PPP2CA: variants seen among roughly 807,000 people sequenced by gnomAD.
The protein encoded by PPP2CA is protein phosphatase 2 catalytic subunit alpha, also known as serine/threonine-protein phosphatase 2A catalytic subunit alpha isoform.
PPP2CA carries 5 observed loss-of-function variants against 38.8 expected under a neutral mutation model. The observed-to-expected ratio is 0.13, with a 90% CI of 0.07 to 0.27. The LOEUF is 0.27. Among genes scored for constraint, PPP2CA ranks in the 10% least tolerant of loss-of-function variants. The probability of loss-of-function intolerance (pLI) is 1.00; values close to 1 mark genes in which losing one functional copy is unlikely to be tolerated. For synonymous variants in PPP2CA, 152 were observed against 134.0 expected (o/e 1.13, Z -0.93); for missense variants, 88 against 389.7 (o/e 0.23, Z 6.52).
intron 1 of PPP2CA, among the ~76,000 whole-genome samples, chr5:134,208,545 GCTC>G (rs10569671): frequency 0.77 from 117,318 of 151,804 alleles, 45,776 homozygotes; most frequent in Non-Finnish European, 0.82. Context: ...ATGTACAGAT[GCTC>G]CTCAATTTGT....
intron 1 of PPP2CA, among the ~76,000 whole-genome samples, chr5:134,216,789 C>T (rs1448567928): frequency 1.3e-5 from 2 of 152,104 alleles, no homozygotes; most frequent in East Asian, 3.9e-4. Flanking sequence ...TAGGTATGAG[C>T]CACCATGCCT....
At chr5:134,223,768 T>C (rs908303860) in intron 1 of PPP2CA, among the ~76,000 whole-genome samples, 7 of 152,200 alleles carry the variant, frequency 4.6e-5, no homozygotes, top group African/African-American at 1.7e-4. Context: ...TTTCATACCA[T>C]GCTTTTCTTT....
chr5:134,214,193 T>C (rs1762270333), intron 1 of PPP2CA, among the ~76,000 whole-genome samples: 1 of 152,248 alleles, frequency 6.6e-6, no homozygotes, highest in South Asian at 2.1e-4. Context: ...AGCTTTAAGA[T>C]ATATAACTAT....
At chr5:134,211,097 A>G (rs1010829928) in intron 1 of PPP2CA, among the ~76,000 whole-genome samples, 26 of 151,730 alleles carry the variant, frequency 1.7e-4, no homozygotes, top group Non-Finnish European at 2.1e-4. Context: ...ACTTTTTAAA[A>G]TCTTTTTTTT....
At position 134,196,923 on chromosome 5, in the gene PPP2CA, C is replaced by T. The variant is rs1358593742; in HGVS notation, c.*849G>A. The stretch of plus-strand genomic sequence containing the variant: ...GTAATATGTGAAATACAAATAAATC[C>T]TGAAGTTAATCTGAAGAATGTCAAG... On this transcript the variant is annotated 3_prime_UTR_variant, in exon 7 of 7. Transcript: ENST00000481195. 3 of 152,582 alleles carry T rather than the reference C, an allele frequency of 2.0e-5. No homozygotes were observed. The highest frequency in any genetic ancestry group is 4.4e-5 in the Non-Finnish European group (3 of 68,032). 9.5% of individuals were successfully genotyped at this position (152,582 alleles called of 1,614,324 possible).
chr5:134,218,852 G>T (rs1762379297), intron 1 of PPP2CA, among the ~76,000 whole-genome samples: 1 of 151,960 alleles, frequency 6.6e-6, no homozygotes, highest in South Asian at 2.1e-4. Flanking sequence ...TGTATTTTTA[G>T]TAGAGACGGG....
Position 134,225,793 on chromosome 5 carries a change from C to T in PPP2CA, c.69G>A (p.Leu23=), listed in dbSNP as rs1580656012. The change falls in exon 1 of 7, where the codon CTG becomes CTA. Residue 23 remains leucine, a synonymous_variant. Coordinates refer to ENST00000481195, the MANE Select transcript of PPP2CA (RefSeq NM_002715.4). Reference sequence around the variant, plus strand: ...AGAGGCTCTTGACCTGGGACTCGGACAGCTGCTTGCACTCGTTCAGCTGCT... The same window carrying T: ...AGAGGCTCTTGACCTGGGACTCGGATAGCTGCTTGCACTCGTTCAGCTGCT... The part of the protein sequence containing the change: ...WIEQLNECKQ[L]SESQVKSLCE... 1.2e-6 allele frequency: 2 copies of T among 1,610,786 alleles called. No individual in the cohort carries two copies. Among genetic ancestry groups the T allele is most frequent in the Non-Finnish European group, 1.7e-6 (2 of 1,179,180 alleles).
At chr5:134,224,192 T>C in intron 1 of PPP2CA, 1 of 435,758 alleles carries the variant, frequency 2.3e-6, no homozygotes, top group South Asian at 1.6e-5. Context: ...TACCTAGAAA[T>C]TAAGACCTGG....
chr5:134,210,870 AC>A lies in PPP2CA; in HGVS notation c.103-4740del, dbSNP rs1451914334. Among the ~76,000 whole-genome samples, 5 of 152,072 alleles carry A rather than the reference AC, an allele frequency of 3.3e-5. No homozygotes were observed. In the South Asian group the frequency reaches 1.0e-3, roughly 31 times the overall value. On this transcript the variant is annotated intron_variant, in intron 1 of 6. Coordinates refer to ENST00000481195, the MANE Select transcript of PPP2CA (RefSeq NM_002715.4). ...ACCACACTGGTTTTGATTTATCAGA[AC>A]CCTTCTGAAATTCAGTCAAATGGTA... is the stretch of plus-strand genomic sequence containing the variant.
Position 134,199,097 on chromosome 5 carries a change from T to C in PPP2CA, c.846A>G (p.Leu282=), listed in dbSNP as rs368267493. The C allele has an allele frequency of 6.2e-6, 10 of 1,607,442 alleles. No homozygotes were observed. In the African/African-American group the frequency reaches 8.0e-5, roughly 13 times the overall value. The change falls in exon 6 of 7, where the codon CTA becomes CTG. Residue 282 remains leucine, a synonymous_variant. Coordinates refer to ENST00000481195, the MANE Select transcript of PPP2CA (RefSeq NM_002715.4). ...GTAGAATTACTTACAAAGAGTATTT[T>C]AGAGTATCGTCAAGTTCCATGATTG... ...QAAIMELDDT[L]KYSFLQFDPA...
At chr5:134,204,907 T>A (rs1762045398) in intron 2 of PPP2CA, among the ~76,000 whole-genome samples, 1 of 151,232 alleles carries the variant, frequency 6.6e-6, no homozygotes, top group East Asian at 1.9e-4. Context: ...CTCAGAAAAA[T>A]TCTTTTTTTT....
rs776804051 is a variant in PPP2CA, at chr5:134,225,827, T to A, written c.35A>T (p.Gln12Leu). 2 of 1,610,620 alleles carry A rather than the reference T, an allele frequency of 1.2e-6. No homozygotes were observed. Among genetic ancestry groups the A allele is most frequent in the East Asian group, 4.5e-5 (2 of 44,732 alleles). ...DEKVFTKELD[Q>L]WIEQLNECKQ... ...GCACTCGTTCAGCTGCTCGATCCAC[T>A]GGTCCAGCTCCTTGGTGAACACCTT... The change falls in exon 1 of 7, where the codon CAG (glutamine) becomes CTG (leucine). Residue 12 changes from glutamine to leucine, a missense_variant. Physicochemically the swap from Gln to Leu is moderately radical, Grantham distance 113. This residue lies in a region of PPP2CA where 34 missense variants were observed against 57.1 expected (regional missense o/e 0.60). Transcript: ENST00000481195.
At chr5:134,213,308 A>G (rs1762246228) in intron 1 of PPP2CA, among the ~76,000 whole-genome samples, 1 of 152,188 alleles carries the variant, frequency 6.6e-6, no homozygotes. Context: ...TGCTAAATCT[A>G]CTACGCCTGT....
intron 6 of PPP2CA, among the ~76,000 whole-genome samples, chr5:134,198,666 T>C (rs1041231185): frequency 6.6e-6 from 1 of 152,186 alleles, no homozygotes; most frequent in African/African-American, 2.4e-5. Flanking sequence ...CCCGGATTCA[T>C]GCCATTCTCC....
intron 1 of PPP2CA, among the ~76,000 whole-genome samples, chr5:134,211,054 A>G (rs1362883517): frequency 6.6e-6 from 1 of 152,192 alleles, no homozygotes; most frequent in African/African-American, 2.4e-5. Context: ...AAAAATTTGC[A>G]GATTAACTTG....
chr5:134,221,552 C>T (rs952841166), intron 1 of PPP2CA, among the ~76,000 whole-genome samples: 1 of 152,152 alleles, frequency 6.6e-6, no homozygotes, highest in African/African-American at 2.4e-5. Flanking sequence ...TTCATCTCAC[C>T]AATCTCATTT....
rs1761839312 is a variant in PPP2CA at position 134,195,899 on chromosome 5, A to G, written c.*1873T>C. ...GATACCACCACGTGTCAATTACAATATACGTATTCCTTGGTCAATTCTGAT... is the reference window on the plus strand; with the variant it reads ...GATACCACCACGTGTCAATTACAATGTACGTATTCCTTGGTCAATTCTGAT... On this transcript the variant is annotated 3_prime_UTR_variant, in exon 7 of 7. Transcript: ENST00000481195. 6.6e-6 allele frequency: 1 copy of G among 152,244 alleles called. No homozygotes were observed. The highest frequency in any genetic ancestry group is 6.5e-5 in the Admixed American group (1 of 15,282). 9.4% of individuals were successfully genotyped at this position (152,244 alleles called of 1,614,324 possible).
chr5:134,220,307 A>T (rs1762408198), intron 1 of PPP2CA, among the ~76,000 whole-genome samples: 1 of 151,496 alleles, frequency 6.6e-6, no homozygotes, highest in African/African-American at 2.4e-5. Flanking sequence ...AAAAATACAA[A>T]AATTAGCTGG....
chr5:134,205,892 C>G, intron 2 of PPP2CA, 30 bp downstream of exon 2: 1 of 1,588,076 alleles, frequency 6.3e-7, no homozygotes, highest in South Asian at 1.1e-5. Context: ...TTACCCATTT[C>G]AACATGCCCC....
Sources: allele counts gnomAD v4.1 joint callset (sites outside exome capture counted in the v4.1 genomes callset), GRCh38; gene constraint gnomAD v4.1.1; regional missense constraint gnomAD v4.1.1; transcripts MANE v1.5; gene names NCBI Gene and HGNC (gene_info 2026-07-23, HGNC 2026-07-21).